The following XDH variants were observed in gnomAD, a reference collection of about 807,000 sequenced individuals.
XDH encodes xanthine dehydrogenase/oxidase.
A neutral mutation model predicts 156.1 loss-of-function variants in XDH; 138 were observed. The ratio of observed to expected loss-of-function variants is 0.88; its 90% confidence interval spans 0.77 to 1.02. XDH has a LOEUF of 1.02. XDH is among the 50% of genes least tolerant of loss of function. The pLI is 0.00. For missense variants in XDH, 1,849 were observed against 1,684.9 expected (o/e 1.10, Z -1.71); for synonymous variants, 669 against 625.7 (o/e 1.07, Z -1.03).
At chr2:31,375,023 C>CTT (rs60340656) in intron 15 of XDH, among the ~76,000 whole-genome samples, 27,274 of 91,868 alleles carry the variant, frequency 0.3, 4,727 homozygotes, top group Non-Finnish European at 0.35. Flanking sequence ...TTCTTTCTTT[C>CTT]TTTTTTTTTT....
intron 32 of XDH, 89 bp from the exon 33 acceptor site, chr2:31,341,483 A>G: frequency 7.4e-7 from 1 of 1,353,992 alleles, no homozygotes; most frequent in Non-Finnish European, 1.0e-6. Flanking sequence ...TCAGACTACA[A>G]GTGCCAACCA....
intron 33 of XDH, among the ~76,000 whole-genome samples, 157 bp from the exon 34 acceptor site, chr2:31,339,834 G>C (rs925094056): frequency 2.6e-5 from 4 of 152,188 alleles, no homozygotes; most frequent in African/African-American, 9.6e-5. Flanking sequence ...TCAGCCCTGG[G>C]ATAACCCATC....
intron 24 of XDH, among the ~76,000 whole-genome samples, chr2:31,362,872 G>T (rs911796497): frequency 1.3e-5 from 2 of 152,200 alleles, no homozygotes; most frequent in Admixed American, 1.3e-4. Context: ...TAGTATGAGA[G>T]TGTTCAGAGC....
At chr2:31,353,845 T>A (rs1024123465) in intron 24 of XDH, among the ~76,000 whole-genome samples, 4 of 152,174 alleles carry the variant, frequency 2.6e-5, no homozygotes, top group African/African-American at 9.7e-5. Flanking sequence ...TGTTATGAGA[T>A]ACCCCAACAT....
At chr2:31,380,345 G>T (rs1558698037) in intron 12 of XDH, among the ~76,000 whole-genome samples, 1 of 152,244 alleles carries the variant, frequency 6.6e-6, no homozygotes, top group Non-Finnish European at 1.5e-5. Flanking sequence ...TGTAGGGGTT[G>T]CTTACAAGGC....
At chr2:31,338,672 G>A (rs1572506718) in intron 34 of XDH, among the ~76,000 whole-genome samples, 1 of 148,274 alleles carries the variant, frequency 6.7e-6, no homozygotes, top group East Asian at 2.0e-4. Flanking sequence ...CTGCAGATAA[G>A]GAAGAAATAG....
At chr2:31,372,504 G>T in intron 16 of XDH, 107 bp from the exon 17 acceptor site, 1 of 1,493,958 alleles carries the variant, frequency 6.7e-7, no homozygotes. Context: ...GGACACCAAG[G>T]GGTAAGAATA....
chr2:31,401,448 T>A, intron 3 of XDH, 120 bp from the exon 4 acceptor site: 1 of 1,041,836 alleles, frequency 9.6e-7, no homozygotes, highest in Non-Finnish European at 1.5e-6. Context: ...CTCCCATTTA[T>A]GTTCTTGTCT....
chr2:31,388,039 G>T, intron 7 of XDH, 142 bp from the exon 8 acceptor site: 1 of 1,129,848 alleles, frequency 8.9e-7, no homozygotes, highest in Non-Finnish European at 1.3e-6. Flanking sequence ...CTGGGAGGCA[G>T]GAATGAGAGA....
rs757625254 is a variant in XDH at position 31,387,857 on chromosome 2, G to A, written c.605C>T (p.Thr202Met). 5.3e-5 allele frequency: 84 copies of A among 1,588,570 alleles called. No homozygotes were observed. The highest frequency in any genetic ancestry group is 1.1e-4 in the East Asian group (5 of 44,220). Residue 202 changes from threonine to methionine, a missense_variant, in exon 8 of 36, where the codon ACG becomes ATG. Transcript: ENST00000379416. ...SPSLFKPEEF[T>M]PLDPTQEPIF... ...GGGCTCCTGGGTTGGATCCAGGGGC[G>A]TGAACTCCTCTGGTTTGAATAAAGA... is the stretch of plus-strand genomic sequence containing the variant.
intron 1 of XDH, among the ~76,000 whole-genome samples, chr2:31,407,680 G>A (rs938378653): frequency 5.3e-5 from 8 of 152,158 alleles, no homozygotes; most frequent in African/African-American, 1.7e-4. Context: ...ACCAATTAAA[G>A]GAGAGCTTTC....
At position 31,346,815 on chromosome 2, in the gene XDH, A is replaced by G; in HGVS notation, c.3305T>C (p.Leu1102Pro). Residue 1102 changes from leucine (L) to proline (P), a missense_variant, in exon 30 of 36, where the codon CTG (leucine) becomes CCG (proline). Transcript: ENST00000379416. ...YAACQTILKR[L>P]EPYKKKNPSG... ...GGGATTCTTCTTCTTGTAGGGTTCC[A>G]GCCTTTTCAAGATGGTCTGACAAGC... 6.2e-7 allele frequency: 1 copy of G among 1,614,088 alleles called. No individual in the cohort carries two copies. Among genetic ancestry groups the G allele is most frequent in the Non-Finnish European group, 8.5e-7 (1 of 1,180,014 alleles).
At chr2:31,376,818 G>A (rs931899606) in intron 14 of XDH, among the ~76,000 whole-genome samples, 1 of 150,106 alleles carries the variant, frequency 6.7e-6, no homozygotes, top group Non-Finnish European at 1.5e-5. Flanking sequence ...TAATAGCATA[G>A]CAGTGGCAAT....
chr2:31,348,903 T>C lies in XDH; in HGVS notation c.3047A>G (p.Asn1016Ser). ...ACAATTCTATAAAGCAATTACCTGA[T>C]TCAGAAAAGGAACTGTAAAGCTTAT... ...FGISFTVPFL[N>S]QAGALLHVYT... The change falls in exon 27 of 36, where the codon AAT becomes AGT. Residue 1016 changes from asparagine (N) to serine (S), a missense_variant. Physicochemically the swap from Asn to Ser is conservative, Grantham distance 46. Transcript: ENST00000379416. 6.2e-7 allele frequency: 1 copy of C among 1,612,736 alleles called. No individual in the cohort carries two copies. Among genetic ancestry groups the C allele is most frequent in the Non-Finnish European group, 8.5e-7 (1 of 1,178,658 alleles).
At chr2:31,406,310 T>C (rs182410990) in intron 1 of XDH, among the ~76,000 whole-genome samples, 3 of 152,294 alleles carry the variant, frequency 2.0e-5, no homozygotes, top group African/African-American at 7.2e-5. Context: ...TGCTCCCACT[T>C]TGCCTTCTGC....
At chr2:31,414,445 C>T (rs1007377183) in intron 1 of XDH, among the ~76,000 whole-genome samples, 180 bp downstream of exon 1, 2 of 151,596 alleles carry the variant, frequency 1.3e-5, no homozygotes, top group Non-Finnish European at 2.9e-5. Flanking sequence ...GCTCTAGCCC[C>T]GAGAAGGTCT....
chr2:31,367,828 A>C, intron 20 of XDH, 133 bp downstream of exon 20: 1 of 894,532 alleles, frequency 1.1e-6, no homozygotes, highest in Non-Finnish European at 1.9e-6. Flanking sequence ...TTTTGCTACA[A>C]ACGTAAGAGG....
chr2:31,337,855 G>A, intron 34 of XDH, 38 bp from the exon 35 acceptor site: 2 of 1,605,458 alleles, frequency 1.2e-6, no homozygotes, highest in Non-Finnish European at 1.7e-6. Flanking sequence ...GGCTCAGGCA[G>A]GTGGTCCTGC....
intron 14 of XDH, among the ~76,000 whole-genome samples, 155 bp downstream of exon 14, chr2:31,376,898 A>G (rs1291218406): frequency 6.6e-6 from 1 of 150,812 alleles, no homozygotes; most frequent in Non-Finnish European, 1.5e-5. Flanking sequence ...TAGTAGAAGT[A>G]GAAGTGGTAG....
Sources: allele counts gnomAD v4.1 joint callset (sites outside exome capture counted in the v4.1 genomes callset), GRCh38; gene constraint gnomAD v4.1.1; transcripts MANE v1.5; gene names NCBI Gene and HGNC (gene_info 2026-07-23, HGNC 2026-07-21).